Variants in SRP19 observed in about 807,000 individuals in gnomAD.
SRP19 encodes the protein signal recognition particle 19.
In SRP19, 11 loss-of-function variants were observed where a neutral mutation model predicts 22.4. That is an observed-to-expected ratio of 0.49 (90% confidence interval 0.31 to 0.81). The LOEUF (loss-of-function observed/expected upper bound fraction) is 0.81, where lower values mean the gene tolerates loss of function less well. Among genes scored for constraint, SRP19 ranks in the 40% least tolerant of loss-of-function variants. The probability of loss-of-function intolerance (pLI) is 0.05; values close to 1 mark genes in which losing one functional copy is unlikely to be tolerated. For missense variants in SRP19, 168 were observed against 175.9 expected, an observed-to-expected ratio of 0.96 and a Z score of 0.25; for synonymous variants, 61 against 57.6, an observed-to-expected ratio of 1.06 and a Z score of -0.27.
intron 2 of SRP19, among the ~76,000 whole-genome samples, chr5:112,862,864 A>G (rs765682472): frequency 9.2e-5 from 14 of 152,222 alleles, no homozygotes; most frequent in Non-Finnish European, 1.6e-4. Context: ...AACAAAGGTT[A>G]TGACGGTGTT....
intron 4 of SRP19, chr5:112,877,269 CTGAT>C (rs1016502580): frequency 1.3e-5 from 2 of 152,072 alleles, no homozygotes; most frequent in Non-Finnish European, 2.9e-5. Context: ...ATGATCTTAC[CTGAT>C]TGTTATCTCA....
At chr5:112,888,325 G>C (rs1768324260) in intron 4 of SRP19, among the ~76,000 whole-genome samples, 1 of 152,174 alleles carries the variant, frequency 6.6e-6, no homozygotes, top group Non-Finnish European at 1.5e-5. Context: ...TGCACAAATA[G>C]CTCACTCCAT....
downstream of SRP19, chr5:112,896,705 G>T (rs545150884): frequency 1.3e-5 from 2 of 151,698 alleles, no homozygotes; most frequent in South Asian, 4.2e-4. Flanking sequence ...GGAGGCTGAG[G>T]TGGGTGGATC....
intron 4 of SRP19, among the ~76,000 whole-genome samples, chr5:112,891,132 G>A (rs1273521349): frequency 2.0e-5 from 3 of 151,524 alleles, no homozygotes; most frequent in African/African-American, 7.3e-5. Context: ...GAGTGTAGTG[G>A]CACAGTCTTG....
chr5:112,892,858 C>T (rs1347048042), exon 5 of SRP19: 2 of 1,613,116 alleles, frequency 1.2e-6, no homozygotes, highest in East Asian at 2.2e-5. Context: ...AAAGAGTAGT[C>T]ATAGGGGGAA....
Position 112,862,421 on chromosome 5 carries a change from AATTGGCCTTTGGTTCC to A in SRP19, c.42-86_42-71del. 2.8e-6 allele frequency: 3 copies of A among 1,075,972 alleles called. No homozygotes were observed. The Admixed American group carries it at 5.4e-5, about 19-fold the overall frequency. 66.7% of individuals were successfully genotyped at this position (1,075,972 alleles called of 1,614,324 possible). On this transcript the variant is annotated intron_variant, in intron 1 of 4. Transcript: ENST00000505459. Reference sequence around the variant, plus strand: ...ACCCATCTGATATCTAGGCAGCATGAATTGGCCTTTGGTTCCCTGCCACCCGACCCTTTTCTCCTGC... The same window carrying A: ...ACCCATCTGATATCTAGGCAGCATGACTGCCACCCGACCCTTTTCTCCTGC...
At chr5:112,887,797 T>C (rs901548153) in intron 4 of SRP19, among the ~76,000 whole-genome samples, 3 of 152,216 alleles carry the variant, frequency 2.0e-5, no homozygotes, top group Non-Finnish European at 4.4e-5. Flanking sequence ...TGAGATTTTT[T>C]TTTAATTGAC....
At chr5:112,872,031 T>C (rs892291053), downstream of SRP19, among the ~76,000 whole-genome samples, 2 of 152,256 alleles carry the variant, frequency 1.3e-5, no homozygotes, top group Non-Finnish European at 2.9e-5. Context: ...AGTGTGTTTC[T>C]GTTTTAGGCA....
At chr5:112,894,610 A>G (rs188333410), downstream of SRP19, 45 of 152,330 alleles carry the variant, frequency 3.0e-4, no homozygotes, top group African/African-American at 8.4e-4. Context: ...GGGATGTGCT[A>G]TGTATTCCTG....
downstream of SRP19, among the ~76,000 whole-genome samples, chr5:112,873,264 A>T (rs1580720699): frequency 2.2e-5 from 2 of 91,892 alleles, no homozygotes; most frequent in Admixed American, 1.2e-4. Flanking sequence ...TCTGATCCTC[A>T]GGTTTTCTTT....
At chr5:112,874,684 C>T (rs866021780), downstream of SRP19, among the ~76,000 whole-genome samples, 1 of 152,174 alleles carries the variant, frequency 6.6e-6, no homozygotes, top group Non-Finnish European at 1.5e-5. Context: ...AGCCCCACCC[C>T]AGACTTCCTG....
rs537452468 is a variant in SRP19, at chr5:112,867,589, A to G, written c.*52A>G. 11 of 1,493,970 alleles carry G rather than the reference A, an allele frequency of 7.4e-6. No homozygotes were observed. The South Asian group carries it at 1.4e-4, about 19-fold the overall frequency. 92.5% of individuals were successfully genotyped at this position (1,493,970 alleles called of 1,614,324 possible). A position where few individuals can be genotyped will look rare whatever the true frequency, so the allele number is the denominator to read the frequency against. The stretch of plus-strand genomic sequence containing the variant: ...ACTACTGTAAGAGACATGAATGGAG[A>G]CTTCTAATTTGTATCGGAGGGAAAC... On this transcript the variant is annotated 3_prime_UTR_variant, in exon 5 of 5. Coordinates refer to ENST00000505459, the MANE Select transcript of SRP19 (RefSeq NM_003135.3).
chr5:112,861,306 G>A lies in SRP19; in HGVS notation c.-71G>A, dbSNP rs376608825. The A allele has an allele frequency of 2.5e-6, 4 of 1,582,086 alleles. No individual in the cohort carries two copies. The African/African-American group carries it at 4.0e-5, about 16-fold the overall frequency. On this transcript the variant is annotated 5_prime_UTR_variant, in exon 1 of 5. Transcript: ENST00000505459. ...AAAAGCGGGCTGTCTCGGAAACTCA[G>A]AGCCGGGTTCCTCCCGGGTTTCTGC...
At chr5:112,892,510 C>T (rs1285588088) in exon 5 of SRP19, 1 of 1,614,206 alleles carries the variant, frequency 6.2e-7, no homozygotes, top group Admixed American at 1.7e-5. Context: ...AGCCCTTTCT[C>T]TGTTTAACGG....
downstream of SRP19, among the ~76,000 whole-genome samples, chr5:112,873,377 C>T (rs1449798592): frequency 1.7e-4 from 16 of 96,372 alleles, no homozygotes; most frequent in African/African-American, 5.7e-4. Flanking sequence ...GATGGTGTTT[C>T]ACACCGTCAC....
chr5:112,892,715 G>A, exon 5 of SRP19: 2 of 1,614,066 alleles, frequency 1.2e-6, no homozygotes, highest in Non-Finnish European at 1.7e-6. Flanking sequence ...GATCAGACTG[G>A]CTCCTCCTTT....
chr5:112,879,693 G>A (rs959624480), intron 4 of SRP19, among the ~76,000 whole-genome samples: 2 of 151,952 alleles, frequency 1.3e-5, no homozygotes, highest in Admixed American at 6.6e-5. Flanking sequence ...AGCCAGGATG[G>A]TCTCAATTTC....
intron 2 of SRP19, among the ~76,000 whole-genome samples, chr5:112,863,865 A>G (rs1232664666): frequency 2.0e-5 from 3 of 152,038 alleles, no homozygotes; most frequent in Admixed American, 6.5e-5. Context: ...AGATTTCTCC[A>G]TGTTGTCCAG....
chr5:112,890,296 A>G (rs1768396741), intron 4 of SRP19, among the ~76,000 whole-genome samples: 1 of 150,424 alleles, frequency 6.6e-6, no homozygotes, highest in Admixed American at 6.6e-5. Context: ...TCTCAAAAAG[A>G]CAAAAAAAAG....
Sources: allele counts gnomAD v4.1 joint callset (sites outside exome capture counted in the v4.1 genomes callset), GRCh38; gene constraint gnomAD v4.1.1; transcripts MANE v1.5; gene names NCBI Gene and HGNC (gene_info 2026-07-23, HGNC 2026-07-21).